DPY19L1: variants seen among roughly 807,000 people sequenced by gnomAD.
DPY19L1 encodes protein C-mannosyl-transferase DPY19L1.
In DPY19L1, 35 loss-of-function variants were observed where a neutral mutation model predicts 96.9. The observed-to-expected ratio is 0.36, with a 90% confidence interval of 0.28 to 0.48. DPY19L1 has a LOEUF of 0.48. DPY19L1 is among the 20% of genes least tolerant of loss of function. DPY19L1 has a pLI of 0.99. For synonymous variants in DPY19L1, 205 were observed against 252.6 expected (o/e 0.81, Z 1.79); for missense variants, 521 against 777.9 (o/e 0.67, Z 3.93).
At chr7:35,012,520 G>C (rs1689913833) in intron 4 of DPY19L1, among the ~76,000 whole-genome samples, 1 of 152,072 alleles carries the variant, frequency 6.6e-6, no homozygotes, top group Non-Finnish European at 1.5e-5. Context: ...CAAATCAGTG[G>C]AGAGAGGATG....
chr7:34,975,267 T>C (rs1190568162), intron 7 of DPY19L1, among the ~76,000 whole-genome samples: 3 of 152,114 alleles, frequency 2.0e-5, no homozygotes, highest in Non-Finnish European at 2.9e-5. Flanking sequence ...AAAGAAAAAT[T>C]ATTGAAGGAA....
At chr7:34,976,573 G>T (rs1470244532) in intron 7 of DPY19L1, among the ~76,000 whole-genome samples, 2 of 152,206 alleles carry the variant, frequency 1.3e-5, no homozygotes, top group Non-Finnish European at 2.9e-5. Flanking sequence ...AAGTTCTAGT[G>T]TGGGTAAAAC....
intron 1 of DPY19L1, among the ~76,000 whole-genome samples, chr7:35,029,772 G>C (rs1426258828): frequency 6.6e-6 from 1 of 152,210 alleles, no homozygotes; most frequent in Non-Finnish European, 1.5e-5. Context: ...TAAAGCTCTT[G>C]TCAAAAGAGC....
rs1004144445 is a variant in DPY19L1, at chr7:34,945,220, C to T, written c.1544+447G>A. On this transcript the variant is annotated intron_variant, in intron 16 of 21. Coordinates refer to ENST00000638088, the MANE Select transcript of DPY19L1 (RefSeq NM_001366673.1). ...TCTAACTCTCAGGTTATAAACAAAC[C>T]CTCTTGGTTAATTTTGGGTTTTTTT... is the stretch of plus-strand genomic sequence containing the variant. Among the ~76,000 whole-genome samples the T allele has an allele frequency of 1.7e-4, 26 of 151,778 alleles. 1 individual carries two copies. The highest frequency in any genetic ancestry group is 1.6e-3 in the Admixed American group (24 of 15,248).
chr7:34,948,415 T>A (rs1358898253), intron 14 of DPY19L1, among the ~76,000 whole-genome samples: 1 of 152,164 alleles, frequency 6.6e-6, no homozygotes, highest in Non-Finnish European at 1.5e-5. Context: ...TTTCCCCTCT[T>A]CTCCACTGTA....
At position 34,958,037 on chromosome 7, in the gene DPY19L1, C is replaced by A. The variant is rs749188632; in HGVS notation, c.1126G>T (p.Gly376Trp). The A allele has an allele frequency of 8.2e-6, 13 of 1,585,586 alleles. No homozygotes were observed. The highest frequency in any genetic ancestry group is 1.1e-5 in the Non-Finnish European group (13 of 1,171,598). Residue 376 changes from glycine to tryptophan, a missense_variant, in exon 11 of 22, where the codon GGG (glycine) becomes TGG (tryptophan). Transcript: ENST00000638088. ...TAAGAAGTTAATAACATTGAGTTCC[C>A]AAACATCAAAACAAAACAAAGTGCA... ...SLALCFVLMF[G>W]NSMLLTSYYA...
intron 6 of DPY19L1, among the ~76,000 whole-genome samples, chr7:34,994,632 G>A (rs990244094): frequency 2.0e-5 from 3 of 151,806 alleles, no homozygotes; most frequent in Non-Finnish European, 4.4e-5. Flanking sequence ...GGTGAAAACC[G>A]TCTCTACTAA....
intron 10 of DPY19L1, among the ~76,000 whole-genome samples, chr7:34,959,114 A>G (rs1211227255): frequency 1.3e-5 from 2 of 152,224 alleles, no homozygotes; most frequent in Non-Finnish European, 2.9e-5. Flanking sequence ...TATGAAAAAA[A>G]AGCTCATCAT....
chr7:35,008,566 A>G (rs1366103905), intron 6 of DPY19L1, among the ~76,000 whole-genome samples: 1 of 152,242 alleles, frequency 6.6e-6, no homozygotes, highest in Admixed American at 6.5e-5. Flanking sequence ...GGTGGCACAC[A>G]CTTGTAGTTC....
At chr7:34,953,575 T>C (rs184734436) in intron 13 of DPY19L1, among the ~76,000 whole-genome samples, 55 of 152,344 alleles carry the variant, frequency 3.6e-4, no homozygotes, top group Non-Finnish European at 6.9e-4. Flanking sequence ...CGTCATTTTT[T>C]ATCATAGCCT....
chr7:34,949,714 A>G, intron 14 of DPY19L1, 83 bp downstream of exon 14: 6 of 830,994 alleles, frequency 7.2e-6, no homozygotes, highest in Non-Finnish European at 1.2e-5. Flanking sequence ...CAGCACATAA[A>G]GAGTCTGATA....
At chr7:34,961,914 T>C (rs2077927) in intron 10 of DPY19L1, among the ~76,000 whole-genome samples, 29,935 of 152,102 alleles carry the variant, frequency 0.2, 3,329 homozygotes, top group Admixed American at 0.36. Flanking sequence ...CCATTACACA[T>C]CTACTGGATG....
At position 34,930,390 on chromosome 7, in the gene DPY19L1, G is replaced by C. The variant is rs1295716954; in HGVS notation, c.*1183C>G. The C allele has an allele frequency of 6.6e-6, 1 of 152,022 alleles. No homozygotes were observed. Among genetic ancestry groups the C allele is most frequent in the Non-Finnish European group, 1.5e-5 (1 of 68,006 alleles). The allele number at this position is 152,022 out of a possible 1,614,324, so 9.4% of individuals were successfully genotyped here. The stretch of plus-strand genomic sequence containing the variant: ...TAAATAGGAAGAAAAAAACTAAAGA[G>C]GAGGACGAAATATACTTATTCCTTA... On this transcript the variant is annotated 3_prime_UTR_variant, in exon 22 of 22. Coordinates refer to ENST00000638088, the MANE Select transcript of DPY19L1 (RefSeq NM_001366673.1).
intron 7 of DPY19L1, among the ~76,000 whole-genome samples, chr7:34,986,141 C>A (rs1202984209): frequency 6.6e-6 from 1 of 151,904 alleles, no homozygotes; most frequent in African/African-American, 2.4e-5. Flanking sequence ...AAGGTAGTTA[C>A]CAGAGGCTCA....
intron 7 of DPY19L1, among the ~76,000 whole-genome samples, chr7:34,980,559 TA>T (rs1784918900): frequency 6.6e-6 from 1 of 152,096 alleles, no homozygotes; most frequent in Non-Finnish European, 1.5e-5. Context: ...ATATATTCTA[TA>T]AAGAACTCCA....
At chr7:34,991,834 G>C (rs1411130651) in intron 6 of DPY19L1, among the ~76,000 whole-genome samples, 1 of 151,974 alleles carries the variant, frequency 6.6e-6, no homozygotes. Context: ...AATTATTCTA[G>C]CATAAAGATT....
chr7:34,934,003 G>A (rs1267187619), intron 21 of DPY19L1, among the ~76,000 whole-genome samples: 5 of 151,858 alleles, frequency 3.3e-5, no homozygotes, highest in Non-Finnish European at 5.9e-5. Context: ...TCCCTCTGTC[G>A]CCCAGGCTGG....
chr7:35,033,653 C>CT (rs1165488634), intron 1 of DPY19L1, among the ~76,000 whole-genome samples: 2 of 152,116 alleles, frequency 1.3e-5, no homozygotes, highest in Non-Finnish European at 2.9e-5. Context: ...TATGGCTATG[C>CT]TGCTTCTACC....
intron 21 of DPY19L1, among the ~76,000 whole-genome samples, chr7:34,935,817 T>A (rs1226608365): frequency 1.3e-5 from 2 of 152,218 alleles, no homozygotes; most frequent in Admixed American, 1.3e-4. Context: ...TAGATAAATA[T>A]TAGTCATTCT....
Sources: gnomAD v4.1 joint callset for allele counts (sites outside exome capture counted in the v4.1 genomes callset) on GRCh38, gnomAD v4.1.1 for gene constraint, MANE v1.5 for transcripts, NCBI Gene and HGNC (gene_info 2026-07-23, HGNC 2026-07-21) for gene names.